Variants in STXBP5L observed in about 807,000 individuals in gnomAD.
The protein encoded by STXBP5L is syntaxin-binding protein 5-like.
A neutral mutation model predicts 144.5 loss-of-function variants in STXBP5L; 65 were observed. The observed-to-expected ratio is 0.45, with a 90% confidence interval of 0.37 to 0.55. The LOEUF is 0.55. STXBP5L is among the 20% of genes least tolerant of loss of function. The pLI is 0.00. For synonymous variants in STXBP5L, 505 were observed against 469.6 expected, an observed-to-expected ratio of 1.08 and a Z score of -0.97; for missense variants, 1,298 against 1,405.5, an observed-to-expected ratio of 0.92 and a Z score of 1.22.
intron 9 of STXBP5L, among the ~76,000 whole-genome samples, chr3:121,170,426 C>T (rs2046664568): frequency 6.6e-6 from 1 of 151,400 alleles, no homozygotes; most frequent in South Asian, 2.1e-4. Context: ...TTGAAAACAT[C>T]AACAAAATAG....
chr3:121,379,112 C>T (rs1256775739), intron 21 of STXBP5L, among the ~76,000 whole-genome samples: 2 of 151,144 alleles, frequency 1.3e-5, no homozygotes, highest in East Asian at 1.9e-4. Flanking sequence ...TAGGTAACTA[C>T]CCCCTCCTCT....
Position 121,159,669 on chromosome 3 carries a change from G to A in STXBP5L, c.877+2042G>A, listed in dbSNP as rs868785001. On this transcript the variant is annotated intron_variant, in intron 9 of 26. Transcript: ENST00000471454. ...TTTTGAGACGGAGTCTCGCTCTTTCGCCCAGGCTGGACTGCAGTGGCGCTG... is the reference window on the plus strand; with the variant it reads ...TTTTGAGACGGAGTCTCGCTCTTTCACCCAGGCTGGACTGCAGTGGCGCTG... Among the ~76,000 whole-genome samples, 439 of 128,354 alleles carry A rather than the reference G, an allele frequency of 3.4e-3. 5 individuals carry two copies. Among genetic ancestry groups the A allele is most frequent in the African/African-American group, 0.012 (419 of 33,554 alleles). 84.2% of individuals were successfully genotyped at this position (128,354 alleles called of 152,430 possible).
intron 5 of STXBP5L, among the ~76,000 whole-genome samples, chr3:121,090,545 G>A (rs2042727213): frequency 6.6e-6 from 1 of 152,110 alleles, no homozygotes; most frequent in Non-Finnish European, 1.5e-5. Flanking sequence ...AGAAATCATG[G>A]CTTTTGCTCC....
intron 3 of STXBP5L, among the ~76,000 whole-genome samples, chr3:120,976,407 T>G (rs1009080314): frequency 6.6e-6 from 1 of 152,208 alleles, no homozygotes; most frequent in Non-Finnish European, 1.5e-5. Context: ...CTATCATTTT[T>G]CATTGTGTCT....
chr3:121,226,097 G>A (rs16832191), intron 11 of STXBP5L, among the ~76,000 whole-genome samples: 1 of 152,098 alleles, frequency 6.6e-6, no homozygotes, highest in African/African-American at 2.4e-5. Context: ...ATGAAGCCAC[G>A]AAATGGTTTT....
intron 20 of STXBP5L, chr3:121,357,077 TC>T (rs1414416302): frequency 5.6e-6 from 1 of 177,180 alleles, no homozygotes; most frequent in Non-Finnish European, 1.2e-5. Flanking sequence ...GCCTGAATAA[TC>T]ACAAAATCCA....
intron 3 of STXBP5L, among the ~76,000 whole-genome samples, chr3:120,956,224 C>T (rs189147979): frequency 6.6e-5 from 10 of 151,946 alleles, no homozygotes; most frequent in Admixed American, 5.3e-4. Context: ...TACCATTCAG[C>T]GTTATTAAAT....
chr3:121,357,678 A>G (rs2045571150), intron 20 of STXBP5L: 1 of 152,196 alleles, frequency 6.6e-6, no homozygotes, highest in African/African-American at 2.4e-5. Context: ...TGAATATATC[A>G]TTTGTCTTGG....
At chr3:121,202,286 T>C (rs2048169385) in intron 9 of STXBP5L, among the ~76,000 whole-genome samples, 1 of 152,194 alleles carries the variant, frequency 6.6e-6, no homozygotes, top group Non-Finnish European at 1.5e-5. Flanking sequence ...AGATTCAAAT[T>C]ACCAACTGGT....
At chr3:121,348,010 G>A (rs2045078359) in intron 20 of STXBP5L, among the ~76,000 whole-genome samples, 1 of 152,204 alleles carries the variant, frequency 6.6e-6, no homozygotes, top group African/African-American at 2.4e-5. Flanking sequence ...TAGGAGTGGT[G>A]AGAGAGGGCA....
intron 5 of STXBP5L, among the ~76,000 whole-genome samples, chr3:121,062,020 G>T (rs953332583): frequency 1.3e-5 from 2 of 152,180 alleles, no homozygotes; most frequent in Admixed American, 6.5e-5. Flanking sequence ...AAGCTAGCTG[G>T]TTATTTTTCC....
At chr3:121,075,558 C>G (rs1378332146) in intron 5 of STXBP5L, among the ~76,000 whole-genome samples, 7 of 152,202 alleles carry the variant, frequency 4.6e-5, no homozygotes, top group African/African-American at 1.7e-4. Flanking sequence ...TCTTCTTGCA[C>G]CTGGCTTACA....
intron 3 of STXBP5L, among the ~76,000 whole-genome samples, chr3:120,979,035 A>T (rs1252375656): frequency 9.9e-5 from 15 of 152,170 alleles, no homozygotes; most frequent in Admixed American, 9.8e-4. Context: ...CCGTTCTCAG[A>T]TCTCCAGCTG....
At chr3:121,335,921 G>A (rs2044489220) in intron 20 of STXBP5L, among the ~76,000 whole-genome samples, 1 of 152,130 alleles carries the variant, frequency 6.6e-6, no homozygotes, top group Non-Finnish European at 1.5e-5. Flanking sequence ...TGATAAATGG[G>A]ATATAATTAA....
chr3:121,207,783 A>G (rs1029804266), intron 10 of STXBP5L, among the ~76,000 whole-genome samples: 2 of 152,128 alleles, frequency 1.3e-5, no homozygotes, highest in African/African-American at 2.4e-5. Flanking sequence ...CCACAGTGAG[A>G]TACCATCTCA....
At chr3:121,126,977 C>A (rs1241291888) in intron 7 of STXBP5L, among the ~76,000 whole-genome samples, 105 of 152,274 alleles carry the variant, frequency 6.9e-4, no homozygotes, top group African/African-American at 2.4e-3. Context: ...ACGTTCTTCA[C>A]TTTTATAAAA....
chr3:121,064,619 TTA>T (rs1356059117), intron 5 of STXBP5L, among the ~76,000 whole-genome samples: 5 of 152,254 alleles, frequency 3.3e-5, no homozygotes, highest in Non-Finnish European at 5.9e-5. Flanking sequence ...TGGACATATG[TTA>T]TATTCCTTTA....
At chr3:121,096,049 G>A (rs775251456) in intron 5 of STXBP5L, among the ~76,000 whole-genome samples, 1 of 152,044 alleles carries the variant, frequency 6.6e-6, no homozygotes, top group Non-Finnish European at 1.5e-5. Flanking sequence ...TGTGCTTCCT[G>A]GGTGAGGCGA....
At chr3:121,317,598 A>G (rs2043827533) in intron 19 of STXBP5L, among the ~76,000 whole-genome samples, 1 of 152,296 alleles carries the variant, frequency 6.6e-6, no homozygotes, top group Admixed American at 6.5e-5. Context: ...TTAAAATAGA[A>G]ATTATGAATA....
Sources: allele counts gnomAD v4.1 joint callset (sites outside exome capture counted in the v4.1 genomes callset), GRCh38; gene constraint gnomAD v4.1.1; transcripts MANE v1.5; gene names NCBI Gene and HGNC (gene_info 2026-07-23, HGNC 2026-07-21).